RAB38: variants seen among roughly 807,000 people sequenced by gnomAD.
The protein encoded by RAB38 is RAB38, member RAS oncogene family, also known as ras-related protein Rab-38.
RAB38 carries 15 observed loss-of-function variants against 18.4 expected under a neutral mutation model. The observed-to-expected ratio is 0.82, with a 90% confidence interval of 0.55 to 1.26. RAB38 has a LOEUF of 1.26. RAB38 is among the 50% of genes most tolerant of loss of function. The pLI is 0.00. For missense variants in RAB38, 294 were observed against 267.4 expected (o/e 1.10, Z -0.69); for synonymous variants, 101 against 104.4 (o/e 0.97, Z 0.20).
chr11:87,956,758 A>G, the RAB38 span, among the ~76,000 whole-genome samples: 5 of 152,106 alleles, frequency 3.3e-5, no homozygotes, highest in Admixed American at 6.6e-5. Flanking sequence ...CTTAACTGAA[A>G]GTAAGTCATA....
chr11:88,029,927 T>A, the RAB38 span, among the ~76,000 whole-genome samples: 1 of 152,090 alleles, frequency 6.6e-6, no homozygotes, highest in Non-Finnish European at 1.5e-5. Context: ...AGAATATACA[T>A]TTTTTTCAGC....
At chr11:87,816,620 AAACT>A in the RAB38 span, 1 of 152,092 alleles carries the variant, frequency 6.6e-6, no homozygotes, top group African/African-American at 2.4e-5. Flanking sequence ...AGGTGGTAAA[AAACT>A]CTCTCTATAT....
chr11:87,833,316 C>T, the RAB38 span, among the ~76,000 whole-genome samples: 1 of 152,220 alleles, frequency 6.6e-6, no homozygotes, highest in Non-Finnish European at 1.5e-5. Context: ...TTGTATAGAA[C>T]GGTATTTTCT....
chr11:88,007,933 C>T, the RAB38 span, among the ~76,000 whole-genome samples: 1 of 151,944 alleles, frequency 6.6e-6, no homozygotes, highest in African/African-American at 2.4e-5. Context: ...GTAAATGAAA[C>T]AATATGGATG....
the RAB38 span, among the ~76,000 whole-genome samples, chr11:87,976,569 C>A: frequency 1.1e-5 from 1 of 90,538 alleles, no homozygotes; most frequent in Non-Finnish European, 2.1e-5. Context: ...TATAACTATA[C>A]AATAAATATA....
At chr11:87,847,350 C>G in the RAB38 span, among the ~76,000 whole-genome samples, 1 of 151,844 alleles carries the variant, frequency 6.6e-6, no homozygotes, top group Admixed American at 6.6e-5. Flanking sequence ...ATTAAAAGAA[C>G]AAAGAATATT....
chr11:88,109,258 C>T (rs566094543), downstream of RAB38, among the ~76,000 whole-genome samples: 2 of 152,280 alleles, frequency 1.3e-5, no homozygotes, highest in East Asian at 1.9e-4. Context: ...CTGACAAAAA[C>T]AAGCCATGCG....
At chr11:87,977,765 T>A in the RAB38 span, among the ~76,000 whole-genome samples, 2 of 108,018 alleles carry the variant, frequency 1.9e-5, no homozygotes, top group Non-Finnish European at 3.5e-5. Flanking sequence ...ATATATTATA[T>A]TATAGTTATA....
chr11:88,010,718 C>T, the RAB38 span, among the ~76,000 whole-genome samples: 2 of 152,132 alleles, frequency 1.3e-5, no homozygotes, highest in South Asian at 2.1e-4. Context: ...GATAATCCTG[C>T]AAATACTGTT....
the RAB38 span, among the ~76,000 whole-genome samples, chr11:87,941,212 G>GATATATATATATATCTAT: frequency 2.6e-5 from 1 of 37,802 alleles, no homozygotes; most frequent in South Asian, 7.9e-4. Flanking sequence ...ATAAATATAT[G>GATATATATATATATCTAT]AGATATATAT....
At chr11:88,173,494 G>C (rs1943335796) in intron 1 of RAB38, 1 of 979,398 alleles carries the variant, frequency 1.0e-6, no homozygotes, top group Non-Finnish European at 1.2e-6. Context: ...ATTAATCACT[G>C]TACCCTTCCA....
chr11:88,115,618 C>G (rs1224793122), intron 2 of RAB38: 2 of 152,130 alleles, frequency 1.3e-5, no homozygotes, highest in Non-Finnish European at 2.9e-5. Flanking sequence ...TTTCTAAATC[C>G]AAAACACAAG....
the RAB38 span, among the ~76,000 whole-genome samples, chr11:87,970,791 T>C: frequency 1.3e-5 from 2 of 151,748 alleles, no homozygotes; most frequent in Admixed American, 1.3e-4. Flanking sequence ...GGGTGAAGAG[T>C]TAGGGAGCTG....
At chr11:87,891,497 C>T in the RAB38 span, among the ~76,000 whole-genome samples, 1 of 151,730 alleles carries the variant, frequency 6.6e-6, no homozygotes, top group African/African-American at 2.4e-5. Context: ...GGGTTTTGCT[C>T]TTTCCTCCAT....
the RAB38 span, among the ~76,000 whole-genome samples, chr11:87,954,363 G>A: frequency 6.6e-6 from 1 of 152,084 alleles, no homozygotes; most frequent in Non-Finnish European, 1.5e-5. Flanking sequence ...TCTCCCTTGA[G>A]TTTGGAAATG....
chr11:87,878,971 ATTTTT>A, the RAB38 span, among the ~76,000 whole-genome samples: 252 of 133,776 alleles, frequency 1.9e-3, 1 homozygote, highest in African/African-American at 6.1e-3. Flanking sequence ...GCAATTACTG[ATTTTT>A]TTTTTTTTTT....
In RAB38 at chr11:88,125,821, T is replaced by G. The variant is rs983774700; in HGVS notation, c.484-11681A>C. ...TATGTCCTGAATGGTATTGCCTAGG[T>G]TTTCTTCTAGGGTTTTTATGGCTTT... On this transcript the variant is annotated intron_variant, in intron 2 of 2. Coordinates refer to ENST00000243662, the MANE Select transcript of RAB38 (RefSeq NM_022337.3). Among the ~76,000 whole-genome samples the G allele has an allele frequency of 3.9e-5, 6 of 152,006 alleles. No homozygotes were observed. The South Asian group carries it at 1.0e-3, about 26-fold the overall frequency.
the RAB38 span, among the ~76,000 whole-genome samples, chr11:87,840,763 A>G: frequency 6.6e-6 from 1 of 152,238 alleles, no homozygotes; most frequent in African/African-American, 2.4e-5. Context: ...ACATATAGAA[A>G]TCTGACTTTT....
intron 2 of RAB38, among the ~76,000 whole-genome samples, chr11:88,147,034 C>T (rs302664): frequency 0.86 from 130,977 of 152,192 alleles, 56,675 homozygotes; most frequent in Middle Eastern, 0.93. Flanking sequence ...GAGCAAGGAA[C>T]GTCAGAGTGA....
Sources: allele counts gnomAD v4.1 joint callset (sites outside exome capture counted in the v4.1 genomes callset), GRCh38; gene constraint gnomAD v4.1.1; transcripts MANE v1.5; gene names NCBI Gene and HGNC (gene_info 2026-07-23, HGNC 2026-07-21).